PCDH15: variants seen among roughly 807,000 people sequenced by gnomAD.
PCDH15 encodes the protein protocadherin related 15.
Under a neutral mutation model 178.5 loss-of-function variants are expected in PCDH15, and 129 were observed. The ratio of observed to expected loss-of-function variants is 0.72; its 90% CI spans 0.63 to 0.84. The LOEUF (loss-of-function observed/expected upper bound fraction) is 0.84, where lower values mean the gene tolerates loss of function less well. Among genes scored for constraint, PCDH15 ranks in the 40% least tolerant of loss-of-function variants. The pLI, the probability that PCDH15 is intolerant of heterozygous loss-of-function variation, is 0.00. For synonymous variants in PCDH15, 800 were observed against 732.0 expected (o/e 1.09, Z -1.50); for missense variants, 2,230 against 2,099.9 (o/e 1.06, Z -1.21).
At chr10:54,744,930 T>TTGTG (rs575190359) in intron 1 of PCDH15, among the ~76,000 whole-genome samples, 1 of 150,624 alleles carries the variant, frequency 6.6e-6, no homozygotes, top group Non-Finnish European at 1.5e-5. Context: ...TACAGACATT[T>TTGTG]TGTGTGTGTG....
intron 2 of PCDH15, among the ~76,000 whole-genome samples, chr10:55,150,087 AG>A (rs1230188291): frequency 6.7e-6 from 1 of 148,914 alleles, no homozygotes; most frequent in Non-Finnish European, 1.5e-5. Context: ...AGGGGAGGGG[AG>A]GAAAAGATAG....
rs1178756453 is a variant in PCDH15, at chr10:55,529,049, C to A, written c.-156+98576G>T. ...TCTTTTGAGAAGTGTCTGTTCATAT[C>A]CTTTGCCCACTTTTTGATGGGGTTG... On this transcript the variant is annotated intron_variant, in intron 2 of 5. Transcript: ENST00000613346. 5.9e-5 allele frequency among the ~76,000 whole-genome samples: 9 copies of A among 151,884 alleles called. No homozygotes were observed. In the East Asian group the frequency reaches 1.7e-3, roughly 29 times the overall value.
At chr10:55,174,587 G>A (rs548674815) in intron 1 of PCDH15, among the ~76,000 whole-genome samples, 2 of 152,292 alleles carry the variant, frequency 1.3e-5, no homozygotes, top group East Asian at 1.9e-4. Flanking sequence ...CAACATTGTA[G>A]AATTGATCTA....
At position 53,922,769 on chromosome 10, in the gene PCDH15, C is replaced by T. The variant is rs186742971; in HGVS notation, c.3373+16046G>A. On this transcript the variant is annotated intron_variant, in intron 25 of 37. Coordinates refer to ENST00000644397, the MANE Select transcript of PCDH15 (RefSeq NM_001384140.1). ...GAACCACTAAACTGGTTAAAGTATCCAACTTTCTTGTGTATTTTAATAAAA... is the reference window on the plus strand; with the variant it reads ...GAACCACTAAACTGGTTAAAGTATCTAACTTTCTTGTGTATTTTAATAAAA... Among the ~76,000 whole-genome samples, 409 of 152,062 alleles carry T rather than the reference C, an allele frequency of 2.7e-3. 1 individual carries two copies. The highest frequency in any genetic ancestry group is 9.0e-3 in the African/African-American group (374 of 41,446).
intron 2 of PCDH15, among the ~76,000 whole-genome samples, chr10:55,531,009 T>TTTTGTTTGTTTGTTTGTTTG (rs111833955): frequency 2.1e-5 from 3 of 144,358 alleles, no homozygotes; most frequent in African/African-American, 7.5e-5. Flanking sequence ...TTAGGGTTGC[T>TTTTGTTTGTTTGTTTGTTTG]TTTGTTTGTT....
chr10:55,175,663 C>CAAAAAAAAAAAAAA (rs71014459), intron 1 of PCDH15, among the ~76,000 whole-genome samples: 1 of 106,674 alleles, frequency 9.4e-6, no homozygotes, highest in Non-Finnish European at 1.9e-5. Flanking sequence ...GACTCTGTCT[C>CAAAAAAAAAAAAAA]AAAAAAAAAA....
intron 2 of PCDH15, among the ~76,000 whole-genome samples, chr10:55,154,061 C>T (rs1838815822): frequency 6.6e-6 from 1 of 152,060 alleles, no homozygotes; most frequent in African/African-American, 2.4e-5. Context: ...ATGGGTCGCT[C>T]CTATACAATT....
At chr10:55,462,172 T>A (rs749261041) in intron 2 of PCDH15, among the ~76,000 whole-genome samples, 2 of 152,180 alleles carry the variant, frequency 1.3e-5, no homozygotes, top group Non-Finnish European at 2.9e-5. Flanking sequence ...GTTTCATATA[T>A]ATTTCCAAAT....
At chr10:54,651,055 A>G (rs2094248565) in intron 2 of PCDH15, among the ~76,000 whole-genome samples, 1 of 152,166 alleles carries the variant, frequency 6.6e-6, no homozygotes, top group Non-Finnish European at 1.5e-5. Flanking sequence ...AATAACTTCT[A>G]GGAAGGAGGG....
chr10:53,902,542 C>T (rs557666552), intron 26 of PCDH15, among the ~76,000 whole-genome samples: 99 of 152,144 alleles, frequency 6.5e-4, no homozygotes, highest in Non-Finnish European at 1.2e-3. Context: ...ACTTTTTCCT[C>T]AGTAAAATTC....
intron 34 of PCDH15, 146 bp from the exon 35 acceptor site, chr10:53,816,423 AAG>A: frequency 2.5e-6 from 1 of 392,512 alleles, no homozygotes; most frequent in Non-Finnish European, 4.5e-6. Flanking sequence ...TAGCTACCAA[AAG>A]CATTAAATAT....
chr10:55,178,853 G>A (rs1174643748), intron 1 of PCDH15, among the ~76,000 whole-genome samples: 1 of 151,980 alleles, frequency 6.6e-6, no homozygotes, highest in Non-Finnish European at 1.5e-5. Flanking sequence ...ATGCCCATGG[G>A]ATTATCTACT....
chr10:53,828,676 AC>A, intron 30 of PCDH15, 103 bp from the exon 31 acceptor site: 2 of 979,814 alleles, frequency 2.0e-6, no homozygotes, highest in Non-Finnish European at 3.2e-6. Flanking sequence ...AATAATTTAT[AC>A]GTTAAATTCA....
chr10:55,360,306 A>G (rs1845197371), intron 2 of PCDH15, among the ~76,000 whole-genome samples: 1 of 151,968 alleles, frequency 6.6e-6, no homozygotes, highest in Non-Finnish European at 1.5e-5. Context: ...TATATATGAT[A>G]AGATGTTAAA....
intron 3 of PCDH15, among the ~76,000 whole-genome samples, chr10:54,394,243 G>T (rs1308495054): frequency 6.6e-6 from 1 of 151,990 alleles, no homozygotes; most frequent in Non-Finnish European, 1.5e-5. Context: ...AGAATATGTT[G>T]CATTATATGT....
At chr10:54,524,744 C>A (rs1158950037) in intron 3 of PCDH15, among the ~76,000 whole-genome samples, 1 of 152,230 alleles carries the variant, frequency 6.6e-6, no homozygotes, top group Admixed American at 6.5e-5. Context: ...GCTCTACATG[C>A]TAGTTCAAGA....
At chr10:54,278,001 T>C (rs982903456) in intron 8 of PCDH15, among the ~76,000 whole-genome samples, 1 of 151,604 alleles carries the variant, frequency 6.6e-6, no homozygotes, top group African/African-American at 2.4e-5. Context: ...TAGTTGAATA[T>C]CTACATCTTT....
At chr10:55,552,105 T>C (rs531179653) in intron 2 of PCDH15, among the ~76,000 whole-genome samples, 1 of 151,912 alleles carries the variant, frequency 6.6e-6, no homozygotes, top group Admixed American at 6.6e-5. Flanking sequence ...TTATTCATAC[T>C]GCGTAGTCAG....
intron 18 of PCDH15, among the ~76,000 whole-genome samples, chr10:54,054,638 C>A (rs542131024): frequency 6.6e-6 from 1 of 151,758 alleles, no homozygotes; most frequent in Non-Finnish European, 1.5e-5. Context: ...AGGGGTAGGC[C>A]CTAAATAAAT....
Sources: allele counts gnomAD v4.1 joint callset (sites outside exome capture counted in the v4.1 genomes callset), GRCh38; gene constraint gnomAD v4.1.1; transcripts MANE v1.5; gene names NCBI Gene and HGNC (gene_info 2026-07-23, HGNC 2026-07-21).